The following COL24A1 variants were observed in gnomAD, a reference collection of about 807,000 sequenced individuals.
COL24A1 encodes the protein collagen alpha-1(XXIV) chain.
In COL24A1, 224 loss-of-function variants were observed where a neutral mutation model predicts 253.9. That is an observed-to-expected ratio of 0.88 (90% CI 0.79 to 0.99). The LOEUF is 0.99. Ranked by LOEUF, COL24A1 falls within the 50% of genes least tolerant of loss-of-function variation. The pLI is 0.00. For synonymous variants in COL24A1, 685 were observed against 673.7 expected, an observed-to-expected ratio of 1.02 and a Z score of -0.26; for missense variants, 2,131 against 2,068.5, an observed-to-expected ratio of 1.03 and a Z score of -0.59.
chr1:85,933,087 TAAAA>T (rs747954578), intron 24 of COL24A1, among the ~76,000 whole-genome samples: 1 of 123,630 alleles, frequency 8.1e-6, no homozygotes, highest in Admixed American at 8.8e-5. Context: ...TAGAGTATAA[TAAAA>T]AAAAAAAAAA....
At chr1:85,746,360 T>G (rs1453349824) in intron 55 of COL24A1, among the ~76,000 whole-genome samples, 1 of 152,232 alleles carries the variant, frequency 6.6e-6, no homozygotes, top group East Asian at 1.9e-4. Flanking sequence ...TCTCCCTTGC[T>G]TCAGCATGTG....
chr1:86,064,043 T>TA (rs1701304019), intron 7 of COL24A1, among the ~76,000 whole-genome samples: 1 of 152,084 alleles, frequency 6.6e-6, no homozygotes, highest in African/African-American at 2.4e-5. Context: ...GAATAGAGAC[T>TA]AAAGCACAGT....
intron 5 of COL24A1, among the ~76,000 whole-genome samples, chr1:86,108,528 C>T (rs748188700): frequency 3.4e-5 from 5 of 148,832 alleles, no homozygotes; most frequent in Admixed American, 6.8e-5. Flanking sequence ...CACGCCTGTA[C>T]TCCCAGCACT....
intron 1 of COL24A1, among the ~76,000 whole-genome samples, chr1:86,148,142 C>G (rs1652170429): frequency 1.3e-5 from 2 of 152,098 alleles, no homozygotes; most frequent in Admixed American, 1.3e-4. Context: ...TACCCCTTGG[C>G]TGCACACTGG....
At chr1:86,072,067 G>A (rs935011912) in intron 7 of COL24A1, among the ~76,000 whole-genome samples, 1 of 152,198 alleles carries the variant, frequency 6.6e-6, no homozygotes. Flanking sequence ...TGGGTTTCAA[G>A]CACAAAACTG....
chr1:86,122,737 T>A (rs1017791302), intron 3 of COL24A1, among the ~76,000 whole-genome samples: 1 of 151,998 alleles, frequency 6.6e-6, no homozygotes, highest in Admixed American at 6.6e-5. Context: ...ATCTCTTGAA[T>A]CCTACTTTTC....
chr1:85,949,800 G>A (rs535203923), intron 24 of COL24A1, among the ~76,000 whole-genome samples: 1 of 152,014 alleles, frequency 6.6e-6, no homozygotes, highest in South Asian at 2.1e-4. Context: ...ATCTCCTTAC[G>A]CTACAGGATA....
intron 53 of COL24A1, 119 bp downstream of exon 53, chr1:85,775,555 A>G: frequency 1.2e-6 from 1 of 816,806 alleles, no homozygotes; most frequent in South Asian, 1.9e-5. Flanking sequence ...CTGCAATTTT[A>G]TTTTTATTCT....
At chr1:85,808,854 T>A (rs1672244058) in intron 47 of COL24A1, among the ~76,000 whole-genome samples, 1 of 152,172 alleles carries the variant, frequency 6.6e-6, no homozygotes, top group Non-Finnish European at 1.5e-5. Flanking sequence ...ATCATTCAAA[T>A]CAGTCTCCCT....
intron 31 of COL24A1, among the ~76,000 whole-genome samples, chr1:85,892,594 T>C (rs1198226842): frequency 2.0e-5 from 3 of 152,020 alleles, no homozygotes; most frequent in South Asian, 2.1e-4. Context: ...ATTAAACATC[T>C]CTAAAGTATG....
intron 24 of COL24A1, among the ~76,000 whole-genome samples, chr1:85,952,288 T>C (rs755120331): frequency 1.3e-5 from 2 of 152,304 alleles, no homozygotes; most frequent in Middle Eastern, 3.4e-3. Context: ...TTCACTCCTC[T>C]TGAAAATATT....
At chr1:86,041,083 A>ACT (rs1699438627) in intron 12 of COL24A1, among the ~76,000 whole-genome samples, 2 of 152,182 alleles carry the variant, frequency 1.3e-5, no homozygotes, top group Non-Finnish European at 2.9e-5. Context: ...TCTAACAGAA[A>ACT]AACATATGAG....
At chr1:86,006,918 A>C (rs1410717431) in intron 19 of COL24A1, among the ~76,000 whole-genome samples, 1 of 152,102 alleles carries the variant, frequency 6.6e-6, no homozygotes, top group African/African-American at 2.4e-5. Flanking sequence ...TGCAAATTAA[A>C]ACAACAATGT....
intron 1 of COL24A1, 35 bp from the exon 2 acceptor site, chr1:86,146,218 C>T: frequency 6.5e-7 from 1 of 1,549,024 alleles, no homozygotes. Flanking sequence ...GAAAAACTTA[C>T]TAGTTGGACA....
intron 19 of COL24A1, among the ~76,000 whole-genome samples, chr1:86,003,803 T>C (rs1305235463): frequency 7.2e-6 from 1 of 138,020 alleles, no homozygotes; most frequent in Admixed American, 7.4e-5. Context: ...GGAAGAGAGA[T>C]CTGAGACAGA....
intron 2 of COL24A1, among the ~76,000 whole-genome samples, chr1:86,134,752 G>C (rs1357001857): frequency 5.3e-4 from 5 of 9,426 alleles, no homozygotes; most frequent in African/African-American, 6.8e-4. Context: ...GTTTGCCGAG[G>C]AGTGCTCTAC....
chr1:85,867,232 G>GA (rs1211126483), intron 37 of COL24A1, among the ~76,000 whole-genome samples: 3 of 151,954 alleles, frequency 2.0e-5, no homozygotes, highest in African/African-American at 7.2e-5. Flanking sequence ...GAGAAGGACA[G>GA]AAAAAAAAGC....
intron 1 of COL24A1, 55 bp downstream of exon 1, chr1:86,156,286 G>T (rs1653601716): frequency 2.6e-6 from 4 of 1,523,010 alleles, no homozygotes; most frequent in East Asian, 4.7e-5. Context: ...AGAACCAGGG[G>T]GTGGAGAGAG....
At position 86,002,994 on chromosome 1, in the gene COL24A1, A is replaced by T. The variant is rs142298447; in HGVS notation, c.2310+14157T>A. ...AAGGGCAACATCATAAGTCTAGGACATGGTACAATCAGTCCCGCCACTTGC... is the reference window on the plus strand; with the variant it reads ...AAGGGCAACATCATAAGTCTAGGACTTGGTACAATCAGTCCCGCCACTTGC... On this transcript the variant is annotated intron_variant, in intron 19 of 59. Transcript: ENST00000370571. Among the ~76,000 whole-genome samples the T allele has an allele frequency of 9.3e-4, 141 of 152,304 alleles. 3 individuals carry two copies. The East Asian group carries it at 0.02, about 21-fold the overall frequency.
Sources: allele counts gnomAD v4.1 joint callset (sites outside exome capture counted in the v4.1 genomes callset), GRCh38; gene constraint gnomAD v4.1.1; transcripts MANE v1.5; gene names NCBI Gene and HGNC (gene_info 2026-07-23, HGNC 2026-07-21).